NUBPL: variants seen among roughly 807,000 people sequenced by gnomAD.
NUBPL encodes NUBP iron-sulfur cluster assembly factor, mitochondrial.
NUBPL carries 31 observed loss-of-function variants against 45.7 expected under a neutral mutation model. That is an observed-to-expected ratio of 0.68 (90% CI 0.51 to 0.92). The LOEUF (loss-of-function observed/expected upper bound fraction) is 0.92. Ranked by LOEUF, NUBPL falls within the 40% of genes least tolerant of loss-of-function variation. The probability of loss-of-function intolerance (pLI) is 0.00; values close to 1 mark genes in which losing one functional copy is unlikely to be tolerated. For missense variants in NUBPL, 401 were observed against 398.7 expected (o/e 1.01, Z -0.05); for synonymous variants, 144 against 140.9 (o/e 1.02, Z -0.15).
chr14:31,606,751 C>T (rs140931269), intron 4 of NUBPL, among the ~76,000 whole-genome samples: 55 of 152,254 alleles, frequency 3.6e-4, no homozygotes, highest in African/African-American at 1.3e-3. Context: ...GAGGCTCCTT[C>T]AGCTTGAGGT....
At chr14:31,627,753 G>A (rs1181064204) in intron 4 of NUBPL, among the ~76,000 whole-genome samples, 2 of 130,330 alleles carry the variant, frequency 1.5e-5, no homozygotes, top group African/African-American at 5.6e-5. Context: ...GTGACAGAGT[G>A]AGACTCTGTC....
At chr14:31,668,060 C>G (rs546075175) in intron 4 of NUBPL, 1 of 152,580 alleles carries the variant, frequency 6.6e-6, no homozygotes, top group South Asian at 2.1e-4. Flanking sequence ...GGCAGTCTGT[C>G]TCTTAGCAGA....
chr14:31,846,532 A>G lies in NUBPL; in HGVS notation c.755A>G (p.His252Arg). 6.2e-7 allele frequency: 1 copy of G among 1,613,508 alleles called. No homozygotes were observed. The highest frequency in any genetic ancestry group is 8.5e-7 in the Non-Finnish European group (1 of 1,179,756). The change falls in exon 9 of 11, where the codon CAT (histidine) becomes CGT (arginine). Residue 252 changes from histidine (H) to arginine (R), a missense_variant. His to Arg is a conservative substitution (Grantham distance 29). Transcript: ENST00000281081. ...FQCPKCKHKTHIFGADGARKL... is the reference protein window; with the variant it reads ...FQCPKCKHKTRIFGADGARKL... ...TGTCCAAAATGTAAACACAAAACTC[A>G]TATTTTTGGTGCTGATGGTGCAAGG...
chr14:31,761,523 T>A (rs1424312867), intron 6 of NUBPL, among the ~76,000 whole-genome samples: 1 of 152,206 alleles, frequency 6.6e-6, no homozygotes, highest in Non-Finnish European at 1.5e-5. Context: ...CATAATTGCT[T>A]AGTAAGCATT....
Position 31,565,011 on chromosome 14 carries a change from C to T in NUBPL, c.257-3C>T. ...ATTCAATTACTTTTTTTGTTTCTTA[C>T]AGTGAATCTTGCACTTGCACTAGCA... On this transcript the variant is annotated splice_region_variant and splice_polypyrimidine_tract_variant and intron_variant, in intron 2 of 10. Coordinates refer to ENST00000281081, the MANE Select transcript of NUBPL (RefSeq NM_025152.3). The T allele has an allele frequency of 6.5e-7, 1 of 1,530,742 alleles. No homozygotes were observed. The highest frequency in any genetic ancestry group is 9.0e-7 in the Non-Finnish European group (1 of 1,115,216). 94.8% of individuals were successfully genotyped at this position (1,530,742 alleles called of 1,614,324 possible).
rs944263462 is a variant in NUBPL at position 31,810,109 on chromosome 14, G to A, written c.608-16520G>A. Among the ~76,000 whole-genome samples the A allele has an allele frequency of 8.0e-4, 122 of 152,308 alleles. 1 individual carries two copies. The highest frequency in any genetic ancestry group is 7.7e-3 in the Admixed American group (118 of 15,302). ...GTATATTCTGTTGATTTGGGGCGGA[G>A]AGTTCTGTAGATGTCTATTAGGTCC... On this transcript the variant is annotated intron_variant, in intron 7 of 10. Transcript: ENST00000281081.
chr14:31,795,299 T>A lies in NUBPL; in HGVS notation c.607+7426T>A, dbSNP rs1209116557. 2.2e-4 allele frequency among the ~76,000 whole-genome samples: 32 copies of A among 143,458 alleles called. No individual in the cohort carries two copies. In the East Asian group the frequency reaches 6.4e-3, roughly 29 times the overall value. 94.1% of individuals were successfully genotyped at this position (143,458 alleles called of 152,430 possible). A position where few individuals can be genotyped will look rare whatever the true frequency, so the allele number is the denominator to read the frequency against. ...CATTGGTAGCTTGATGGGGATGGCATTGAATCTGTAAATTACCTTGGGCAG... is the reference window on the plus strand; with the variant it reads ...CATTGGTAGCTTGATGGGGATGGCAATGAATCTGTAAATTACCTTGGGCAG... On this transcript the variant is annotated intron_variant, in intron 7 of 10. Coordinates refer to ENST00000281081, the MANE Select transcript of NUBPL (RefSeq NM_025152.3).
At chr14:31,603,567 C>T (rs1478795832) in intron 4 of NUBPL, among the ~76,000 whole-genome samples, 1 of 152,088 alleles carries the variant, frequency 6.6e-6, no homozygotes, top group Non-Finnish European at 1.5e-5. Flanking sequence ...AAAGTTAATT[C>T]AGCATTGCTT....
intron 6 of NUBPL, among the ~76,000 whole-genome samples, chr14:31,785,273 T>C (rs2039263674): frequency 6.6e-6 from 1 of 152,220 alleles, no homozygotes. Flanking sequence ...AATAATTTTG[T>C]ATAGTAAGGC....
chr14:31,715,359 T>C (rs1476384849), intron 6 of NUBPL, among the ~76,000 whole-genome samples: 1 of 152,242 alleles, frequency 6.6e-6, no homozygotes, highest in Non-Finnish European at 1.5e-5. Flanking sequence ...ACAGTCATGT[T>C]TTGCTTAACA....
chr14:31,672,659 T>A (rs1465655484), intron 4 of NUBPL, among the ~76,000 whole-genome samples: 6 of 152,064 alleles, frequency 3.9e-5, no homozygotes, highest in Admixed American at 3.9e-4. Flanking sequence ...GACAGCATTT[T>A]ACCATGTTGG....
At chr14:31,858,764 G>T (rs916122011) in intron 10 of NUBPL, among the ~76,000 whole-genome samples, 3 of 152,230 alleles carry the variant, frequency 2.0e-5, no homozygotes, top group African/African-American at 7.2e-5. Flanking sequence ...AGAAGTTTTG[G>T]CAGTCTCTAA....
chr14:31,770,160 CAG>C (rs2038982221), intron 6 of NUBPL, among the ~76,000 whole-genome samples: 1 of 152,140 alleles, frequency 6.6e-6, no homozygotes, highest in African/African-American at 2.4e-5. Flanking sequence ...ACTGCCCAGA[CAG>C]AGCTGATGTA....
chr14:31,741,010 C>T (rs1488958274), intron 6 of NUBPL, among the ~76,000 whole-genome samples: 1 of 152,086 alleles, frequency 6.6e-6, no homozygotes, highest in Non-Finnish European at 1.5e-5. Context: ...TTGGTTTTTG[C>T]ACACTGTTTA....
At chr14:31,646,713 G>T (rs1242699536) in intron 4 of NUBPL, among the ~76,000 whole-genome samples, 1 of 151,586 alleles carries the variant, frequency 6.6e-6, no homozygotes, top group Non-Finnish European at 1.5e-5. Context: ...GAATCTATTT[G>T]GTGTTCTCTG....
intron 6 of NUBPL, among the ~76,000 whole-genome samples, chr14:31,770,523 G>A (rs114857768): frequency 0.036 from 5,516 of 152,206 alleles, 137 homozygotes; most frequent in Admixed American, 0.062. Flanking sequence ...CTACAATAGC[G>A]ATGTTATTTA....
At chr14:31,766,196 C>A (rs1046100262) in intron 6 of NUBPL, among the ~76,000 whole-genome samples, 1 of 152,116 alleles carries the variant, frequency 6.6e-6, no homozygotes, top group Non-Finnish European at 1.5e-5. Context: ...TAGGGATTTA[C>A]CACAGGATTT....
chr14:31,703,780 T>G (rs35827419), intron 6 of NUBPL, among the ~76,000 whole-genome samples: 44,968 of 152,064 alleles, frequency 0.3, 7,504 homozygotes, highest in South Asian at 0.41. Flanking sequence ...CCATATCAAT[T>G]TGCATGCCTG....
At chr14:31,812,447 C>T (rs77035396) in intron 7 of NUBPL, among the ~76,000 whole-genome samples, 11,580 of 152,252 alleles carry the variant, frequency 0.076, 501 homozygotes, top group Non-Finnish European at 0.095. Flanking sequence ...TAGCCAGGCG[C>T]GGGATGTAAT....
Sources: gnomAD v4.1 joint callset for allele counts (sites outside exome capture counted in the v4.1 genomes callset) on GRCh38, gnomAD v4.1.1 for gene constraint, MANE v1.5 for transcripts, NCBI Gene and HGNC (gene_info 2026-07-23, HGNC 2026-07-21) for gene names.